The following SCYL2 variants were observed in gnomAD, a reference collection of about 807,000 sequenced individuals.
SCYL2 encodes SCY1 like pseudokinase 2, also known as SCY1-like protein 2.
A neutral mutation model predicts 100.4 loss-of-function variants in SCYL2; 36 were observed. The observed-to-expected ratio is 0.36, with a 90% CI of 0.27 to 0.47. The LOEUF is 0.47. SCYL2 is among the 20% of genes least tolerant of loss of function. The pLI is 1.00. For synonymous variants in SCYL2, 330 were observed against 359.2 expected (o/e 0.92, Z 0.92); for missense variants, 902 against 1,083.9 (o/e 0.83, Z 2.36).
At chr12:100,294,349 A>ACCTC (rs2096314775) in intron 3 of SCYL2, among the ~76,000 whole-genome samples, 3 of 54,522 alleles carry the variant, frequency 5.5e-5, no homozygotes, top group Admixed American at 1.8e-4. Context: ...GGCGCCCCTC[A>ACCTC]CCTCCCAGAC....
chr12:100,301,273 G>A (rs1312027185), intron 4 of SCYL2, among the ~76,000 whole-genome samples: 1 of 152,016 alleles, frequency 6.6e-6, no homozygotes, highest in Non-Finnish European at 1.5e-5. Flanking sequence ...CTTTTCTTAT[G>A]CCTGTTTGCC....
chr12:100,282,915 G>C, intron 1 of SCYL2, 28 bp from the exon 2 acceptor site: 1 of 1,141,778 alleles, frequency 8.8e-7, no homozygotes. Context: ...GAAATGATCA[G>C]TTCTCCACTA....
intron 1 of SCYL2, among the ~76,000 whole-genome samples, chr12:100,268,703 C>T (rs1200913011): frequency 6.6e-6 from 1 of 152,128 alleles, no homozygotes; most frequent in Non-Finnish European, 1.5e-5. Flanking sequence ...ACAGATCAAC[C>T]CTGTTACTGG....
intron 5 of SCYL2, among the ~76,000 whole-genome samples, chr12:100,311,769 C>T (rs1367849925): frequency 6.6e-6 from 1 of 152,186 alleles, no homozygotes; most frequent in Non-Finnish European, 1.5e-5. Flanking sequence ...GGATACCTGC[C>T]TATTCATACT....
rs1592917212 is a variant in SCYL2 at position 100,267,272 on chromosome 12, A to G, written c.-549A>G. On this transcript the variant is annotated 5_prime_UTR_variant, in exon 1 of 18. Transcript: ENST00000360820. ...ACGTTTGCGGCCGCGGGGGCGGCGG[A>G]GGATATGGAGTAAAGCCAGAGTCAG... The G allele has an allele frequency of 1.7e-6, 1 of 576,822 alleles. No individual in the cohort carries two copies. Among genetic ancestry groups the G allele is most frequent in the Non-Finnish European group, 3.0e-6 (1 of 337,108 alleles). 35.7% of individuals were successfully genotyped at this position (576,822 alleles called of 1,614,324 possible).
intron 11 of SCYL2, among the ~76,000 whole-genome samples, chr12:100,324,336 T>C (rs1188765070): frequency 6.6e-6 from 1 of 152,208 alleles, no homozygotes; most frequent in African/African-American, 2.4e-5. Flanking sequence ...TTGAATGCTG[T>C]CTTCAAAATA....
intron 15 of SCYL2, 41 bp from the exon 16 acceptor site, chr12:100,335,770 T>C (rs1369967797): frequency 1.3e-6 from 2 of 1,597,350 alleles, no homozygotes; most frequent in South Asian, 1.1e-5. Context: ...AATCACATTT[T>C]TATTGAACTT....
At position 100,315,489 on chromosome 12, in the gene SCYL2, AGT is replaced by A. The variant is rs1262362730; in HGVS notation, c.1096-66_1096-65del. Reference sequence around the variant, plus strand: ...AAAGGGATTAGAGGTTTTAGACCTTAGTGTTAACTAATACTAAAAACCTTTAA... The same window carrying A: ...AAAGGGATTAGAGGTTTTAGACCTTAGTTAACTAATACTAAAAACCTTTAA... On this transcript the variant is annotated intron_variant, in intron 8 of 17. Transcript: ENST00000360820. 2.3e-6 allele frequency: 3 copies of A among 1,294,028 alleles called. No homozygotes were observed. The East Asian group carries it at 7.6e-5, about 33-fold the overall frequency. 80.2% of individuals were successfully genotyped at this position (1,294,028 alleles called of 1,614,324 possible). A position where few individuals can be genotyped will look rare whatever the true frequency, so the allele number is the denominator to read the frequency against.
chr12:100,267,407 G>A lies in SCYL2; in HGVS notation c.-414G>A, dbSNP rs908740604. ...TGGAAGAAGGAAGAGGTAAGTGACC[G>A]GCCGCCGGCACCGACCGACCTCCCT... is the stretch of plus-strand genomic sequence containing the variant. On this transcript the variant is annotated 5_prime_UTR_variant, in exon 1 of 18. Transcript: ENST00000360820. The A allele has an allele frequency of 4.0e-4, 86 of 214,958 alleles. No homozygotes were observed. The highest frequency in any genetic ancestry group is 1.9e-3 in the African/African-American group (82 of 43,540). 13.3% of individuals were successfully genotyped at this position (214,958 alleles called of 1,614,324 possible).
chr12:100,310,948 T>C, intron 4 of SCYL2, 96 bp from the exon 5 acceptor site: 3 of 1,214,478 alleles, frequency 2.5e-6, no homozygotes, highest in Non-Finnish European at 3.3e-6. Context: ...AAAACTTTTA[T>C]TGTGAAGAGT....
At position 100,267,241 on chromosome 12, in the gene SCYL2, G is replaced by A; in HGVS notation, c.-580G>A. 1.4e-6 allele frequency: 1 copy of A among 711,058 alleles called. No homozygotes were observed. The highest frequency in any genetic ancestry group is 2.2e-6 in the Non-Finnish European group (1 of 447,428). 44.0% of individuals were successfully genotyped at this position (711,058 alleles called of 1,614,324 possible). On this transcript the variant is annotated 5_prime_UTR_variant, in exon 1 of 18. Coordinates refer to ENST00000360820, the MANE Select transcript of SCYL2 (RefSeq NM_017988.6). ...TCCCCTCCCCACCCCTTTCCTTCTA[G>A]CTCCGACGTTTGCGGCCGCGGGGGC...
intron 1 of SCYL2, among the ~76,000 whole-genome samples, chr12:100,276,991 T>C (rs141282123): frequency 1.4e-3 from 215 of 152,258 alleles, no homozygotes; most frequent in African/African-American, 4.8e-3. Context: ...TGATTTCTTT[T>C]TTAGCCCTTG....
At chr12:100,294,799 A>AT (rs2096316707) in intron 3 of SCYL2, among the ~76,000 whole-genome samples, 1 of 114,752 alleles carries the variant, frequency 8.7e-6, no homozygotes, top group African/African-American at 3.5e-5. Flanking sequence ...CGGGGGGCTG[A>AT]CCCCCCCACC....
intron 3 of SCYL2, among the ~76,000 whole-genome samples, chr12:100,295,983 G>C (rs1463435250): frequency 1.3e-5 from 2 of 152,186 alleles, no homozygotes; most frequent in Non-Finnish European, 2.9e-5. Flanking sequence ...GGCTCTTTAT[G>C]AGTGCTTCCT....
At position 100,341,280 on chromosome 12, in the gene SCYL2, T is replaced by C. The variant is rs1952349796; in HGVS notation, c.*2108T>C. ...CTGAAAAATAGTGCTATTTTTCAGC[T>C]TAAGTGTTCTTAAGTGAATGAAATT... On this transcript the variant is annotated 3_prime_UTR_variant, in exon 18 of 18. Transcript: ENST00000360820. The C allele has an allele frequency of 6.6e-6, 1 of 152,146 alleles. No individual in the cohort carries two copies. The highest frequency in any genetic ancestry group is 1.5e-5 in the Non-Finnish European group (1 of 67,980). The allele number at this position is 152,146 out of a possible 1,614,324, so 9.4% of individuals were successfully genotyped here.
At chr12:100,321,803 A>G (rs2096356056) in intron 10 of SCYL2, among the ~76,000 whole-genome samples, 1 of 152,018 alleles carries the variant, frequency 6.6e-6, no homozygotes, top group Non-Finnish European at 1.5e-5. Context: ...AGCACTTTGG[A>G]AGACTGAGGT....
chr12:100,279,240 G>T (rs1411255611), intron 1 of SCYL2, among the ~76,000 whole-genome samples: 2 of 152,236 alleles, frequency 1.3e-5, no homozygotes. Context: ...CTCATAAGGA[G>T]CACACAACCT....
intron 1 of SCYL2, among the ~76,000 whole-genome samples, chr12:100,272,251 T>A (rs1269819141): frequency 2.6e-5 from 4 of 152,034 alleles, no homozygotes; most frequent in South Asian, 2.1e-4. Context: ...TATAACTTTG[T>A]CATTGGAAAA....
intron 9 of SCYL2, among the ~76,000 whole-genome samples, chr12:100,316,862 C>T (rs145772017): frequency 6.2e-4 from 94 of 152,248 alleles, no homozygotes; most frequent in East Asian, 3.7e-3. Flanking sequence ...AGTTCTTTGT[C>T]GTGTCAAAGC....
Sources: gnomAD v4.1 joint callset for allele counts (sites outside exome capture counted in the v4.1 genomes callset) on GRCh38, gnomAD v4.1.1 for gene constraint, MANE v1.5 for transcripts, NCBI Gene and HGNC (gene_info 2026-07-23, HGNC 2026-07-21) for gene names.